Variants in NAV3 observed in about 807,000 individuals in gnomAD.
The protein encoded by NAV3 is pore membrane and/or filament interacting like protein 1.
A neutral mutation model predicts 244.7 loss-of-function variants in NAV3; 87 were observed. The ratio of observed to expected loss-of-function variants is 0.36; its 90% confidence interval spans 0.30 to 0.42. NAV3 has a LOEUF of 0.42. Ranked by LOEUF, NAV3 falls within the 20% of genes least tolerant of loss-of-function variation. The pLI is 1.00. For synonymous variants in NAV3, 1,126 were observed against 1,042.2 expected (o/e 1.08, Z -1.55); for missense variants, 2,663 against 2,893.3 (o/e 0.92, Z 1.83).
intron 2 of NAV3, among the ~76,000 whole-genome samples, chr12:77,649,880 T>G (rs1872751964): frequency 6.6e-6 from 1 of 152,208 alleles, no homozygotes; most frequent in South Asian, 2.1e-4. Context: ...CAAGAAGACC[T>G]TGAGTTGCTA....
intron 21 of NAV3, among the ~76,000 whole-genome samples, chr12:78,148,067 G>T (rs1347246478): frequency 6.6e-6 from 1 of 151,996 alleles, no homozygotes; most frequent in Non-Finnish European, 1.5e-5. Flanking sequence ...TTCTGTTTCA[G>T]TTTTATTGGA....
At chr12:77,815,851 C>T (rs1476376939) in intron 2 of NAV3, among the ~76,000 whole-genome samples, 1 of 152,102 alleles carries the variant, frequency 6.6e-6, no homozygotes, top group Non-Finnish European at 1.5e-5. Flanking sequence ...AATAAAACAA[C>T]AACCTAATGC....
At chr12:77,980,066 G>C (rs1869284107) in intron 5 of NAV3, among the ~76,000 whole-genome samples, 1 of 152,164 alleles carries the variant, frequency 6.6e-6, no homozygotes, top group Admixed American at 6.6e-5. Context: ...CAGGTGGTCA[G>C]TTAAGCAATC....
chr12:77,697,429 C>A (rs111541478), intron 2 of NAV3, among the ~76,000 whole-genome samples: 3 of 152,176 alleles, frequency 2.0e-5, no homozygotes, highest in Non-Finnish European at 4.4e-5. Flanking sequence ...TGAGCTATAA[C>A]CATAAGCAAG....
At chr12:77,908,197 C>A (rs1342069935) in intron 1 of NAV3, among the ~76,000 whole-genome samples, 1 of 151,918 alleles carries the variant, frequency 6.6e-6, no homozygotes, top group Admixed American at 6.6e-5. Context: ...AACTTATATT[C>A]AAAACTGTTT....
In NAV3 at chr12:78,212,031, A is replaced by G. The variant is rs1960921225; in HGVS notation, c.*1514A>G. The G allele has an allele frequency of 6.6e-6, 1 of 152,592 alleles. No individual in the cohort carries two copies. The highest frequency in any genetic ancestry group is 6.6e-5 in the Admixed American group (1 of 15,262). The allele number at this position is 152,592 out of a possible 1,614,324, so 9.5% of individuals were successfully genotyped here. On this transcript the variant is annotated 3_prime_UTR_variant, in exon 40 of 40. Coordinates refer to ENST00000397909, the MANE Select transcript of NAV3 (RefSeq NM_001024383.2). ...CATTGCAAACAAATACAGAATGCAA[A>G]CCCTCAAAGCTGTATTATCTGGTGT... is the stretch of plus-strand genomic sequence containing the variant.
chr12:77,759,755 T>A (rs900150528), intron 2 of NAV3, among the ~76,000 whole-genome samples: 1 of 124,172 alleles, frequency 8.1e-6, no homozygotes, highest in Admixed American at 8.1e-5. Context: ...GAAGACGGTC[T>A]GATTTTTATT....
chr12:78,189,154 G>T (rs1958859288), intron 33 of NAV3, among the ~76,000 whole-genome samples: 1 of 151,806 alleles, frequency 6.6e-6, no homozygotes, highest in Non-Finnish European at 1.5e-5. Flanking sequence ...TTTAAAATGT[G>T]TATGCCTAAT....
intron 30 of NAV3, 87 bp from the exon 31 acceptor site, chr12:78,185,514 A>T: frequency 8.6e-7 from 1 of 1,164,266 alleles, no homozygotes. Context: ...TGAAAGATAT[A>T]AAACTATGAG....
chr12:77,779,058 G>C (rs913168518), intron 2 of NAV3, among the ~76,000 whole-genome samples: 1 of 152,210 alleles, frequency 6.6e-6, no homozygotes, highest in African/African-American at 2.4e-5. Context: ...CTGTAAATGT[G>C]AAAATAAATT....
At chr12:78,111,922 A>G (rs1357873907) in intron 12 of NAV3, among the ~76,000 whole-genome samples, 1 of 152,222 alleles carries the variant, frequency 6.6e-6, no homozygotes, top group African/African-American at 2.4e-5. Context: ...GATATAGTAA[A>G]GAAATATATA....
chr12:77,767,099 A>G (rs997421768), intron 2 of NAV3, among the ~76,000 whole-genome samples: 3 of 152,134 alleles, frequency 2.0e-5, no homozygotes, highest in Non-Finnish European at 2.9e-5. Context: ...GCGCGATGGA[A>G]AGTCAGAGAG....
chr12:77,640,144 G>A lies in NAV3; in HGVS notation c.72+67878G>A, dbSNP rs183646720. ...GTTTGTTCCCTTTAACAAAATTATG[G>A]TATTAAACTTCTAGAAAAGTAGAAG... On this transcript the variant is annotated intron_variant, in intron 2 of 8. Coordinates refer to the NAV3 transcript ENST00000550042. Among the ~76,000 whole-genome samples the A allele has an allele frequency of 2.0e-3, 302 of 152,102 alleles. 2 individuals carry two copies. Among genetic ancestry groups the A allele is most frequent in the African/African-American group, 6.9e-3 (286 of 41,472 alleles).
chr12:77,621,841 C>G (rs1871386587), intron 2 of NAV3, among the ~76,000 whole-genome samples: 1 of 151,976 alleles, frequency 6.6e-6, no homozygotes, highest in African/African-American at 2.4e-5. Context: ...GAAGTCCCAG[C>G]AAAGGAAAAT....
chr12:78,015,021 G>A (rs1875938945), intron 8 of NAV3, among the ~76,000 whole-genome samples: 1 of 152,060 alleles, frequency 6.6e-6, no homozygotes, highest in Non-Finnish European at 1.5e-5. Context: ...GCTAGAAGAG[G>A]CACTTTTGTG....
chr12:77,583,725 G>C (rs985831512), intron 2 of NAV3, among the ~76,000 whole-genome samples: 12 of 151,978 alleles, frequency 7.9e-5, no homozygotes, highest in Admixed American at 7.9e-4. Context: ...TAAATGCCCG[G>C]CACATCCAGA....
At chr12:77,651,772 G>A (rs904713670) in intron 2 of NAV3, among the ~76,000 whole-genome samples, 3 of 152,132 alleles carry the variant, frequency 2.0e-5, no homozygotes, top group Non-Finnish European at 2.9e-5. Flanking sequence ...TCATTAAATT[G>A]GTAACTCATG....
At chr12:78,015,619 A>G (rs975688702) in intron 8 of NAV3, among the ~76,000 whole-genome samples, 27 of 152,088 alleles carry the variant, frequency 1.8e-4, no homozygotes, top group African/African-American at 6.5e-4. Context: ...TGCCTGATTA[A>G]GATAATATCT....
At chr12:77,610,979 T>A (rs1303333564) in intron 2 of NAV3, among the ~76,000 whole-genome samples, 2 of 150,660 alleles carry the variant, frequency 1.3e-5, no homozygotes, top group African/African-American at 2.4e-5. Context: ...TCAGATAATA[T>A]TGAAAACCTC....
Sources: allele counts gnomAD v4.1 joint callset (sites outside exome capture counted in the v4.1 genomes callset), GRCh38; gene constraint gnomAD v4.1.1; transcripts MANE v1.5; gene names NCBI Gene and HGNC (gene_info 2026-07-23, HGNC 2026-07-21).